Variants in PEX5 observed in about 807,000 individuals in gnomAD.
The protein encoded by PEX5 is PTS1 receptor.
In PEX5, 52 loss-of-function variants were observed where a neutral mutation model predicts 82.9. The ratio of observed to expected loss-of-function variants is 0.63; its 90% confidence interval spans 0.50 to 0.79. The LOEUF (loss-of-function observed/expected upper bound fraction) is 0.79, where lower values mean the gene tolerates loss of function less well. Among genes scored for constraint, PEX5 ranks in the 30% least tolerant of loss-of-function variants. PEX5 has a pLI of 0.00. For synonymous variants in PEX5, 300 were observed against 318.8 expected (o/e 0.94, Z 0.63); for missense variants, 719 against 815.2 (o/e 0.88, Z 1.44).
At chr12:7,217,944 A>C (rs761659858) in intron 17 of PEX5, among the ~76,000 whole-genome samples, 9 of 152,228 alleles carry the variant, frequency 5.9e-5, no homozygotes, top group Admixed American at 1.3e-4. Context: ...GGTGGTCAGC[A>C]AGAGACGTGC....
rs1016512378 is a variant in PEX5 at position 7,200,827 on chromosome 12, C to T, written c.552-924C>T. Among the ~76,000 whole-genome samples, 6 of 152,050 alleles carry T rather than the reference C, an allele frequency of 3.9e-5. No homozygotes were observed. In the South Asian group the frequency reaches 6.2e-4, roughly 16 times the overall value. On this transcript the variant is annotated intron_variant, in intron 6 of 15. Transcript: ENST00000675855. The stretch of plus-strand genomic sequence containing the variant: ...ATCAGGCAGGGAGGTTGCAGGGAGC[C>T]GAGATGGCAGCAGTACAGTCCAGCT...
Position 7,190,907 on chromosome 12 carries a change from T to A in PEX5, c.167T>A (p.Val56Glu). The stretch of plus-strand genomic sequence containing the variant: ...TCTTAGGCCTCCAAGCCTTTGGGAG[T>A]AGCTTCTGAAGATGAGGTAAATAGA... The part of the protein sequence containing the change: ...ASEAASKPLG[V>E]ASEDELVAEF... Residue 56 changes from valine to glutamate, a missense_variant, in exon 3 of 16, where the codon GTA becomes GAA. By Grantham distance (121) the Val-to-Glu change is moderately radical. Transcript: ENST00000675855. 1 of 1,613,418 alleles carries A rather than the reference T, an allele frequency of 6.2e-7. No homozygotes were observed. Among genetic ancestry groups the A allele is most frequent in the Non-Finnish European group, 8.5e-7 (1 of 1,179,368 alleles).
intron 1 of PEX5, 151 bp from the exon 2 acceptor site, chr12:7,190,211 G>GC: frequency 6.4e-7 from 1 of 1,571,524 alleles, no homozygotes; most frequent in Non-Finnish European, 8.6e-7. Flanking sequence ...CGAACTCCTG[G>GC]CAGAGGTGGG....
rs1392938013 is a variant in PEX5, at chr12:7,189,722, C to T, written c.-45C>T. ...TCCCCCAAGCCAGCACCTGGTGCCC[C>T]GGCGGGTCGTGCGGCGCGGCGCTCC... On this transcript the variant is annotated 5_prime_UTR_variant, in exon 1 of 16. Transcript: ENST00000675855. 5.2e-6 allele frequency: 2 copies of T among 387,610 alleles called. No individual in the cohort carries two copies. Among genetic ancestry groups the T allele is most frequent in the South Asian group, 1.2e-4 (1 of 8,122 alleles). 24.0% of individuals were successfully genotyped at this position (387,610 alleles called of 1,614,324 possible).
chr12:7,203,483 A>G lies in PEX5; in HGVS notation c.898A>G (p.Lys300Glu). The G allele has an allele frequency of 6.2e-7, 1 of 1,614,056 alleles. No individual in the cohort carries two copies. The highest frequency in any genetic ancestry group is 8.5e-7 in the Non-Finnish European group (1 of 1,179,996). The stretch of plus-strand genomic sequence containing the variant: ...GCAGGCAGAGTTGGAGGAGATGGCA[A>G]AACGGGATGCTGAGGCCCACCCCTG... ...KLQAELEEMA[K>E]RDAEAHPWLS... is the part of the protein sequence containing the mutation. The change falls in exon 10 of 16, where the codon AAA (lysine) becomes GAA (glutamate). Residue 300 changes from lysine to glutamate, a missense_variant. By Grantham distance (56) the Lys-to-Glu change is moderately conservative. Transcript: ENST00000675855.
intron 2 of PEX5, 117 bp downstream of exon 2, chr12:7,190,641 A>AGGTGGT (rs1375495827): frequency 1.3e-6 from 2 of 1,554,540 alleles, no homozygotes; most frequent in African/African-American, 2.7e-5. Flanking sequence ...TGGAAAGCCC[A>AGGTGGT]GGTGGTGGTG....
At position 7,199,026 on chromosome 12, in the gene PEX5, C is replaced by G. The variant is rs1943231620; in HGVS notation, c.464C>G (p.Ser155Cys). The change falls in exon 6 of 16, where the codon TCC (serine) becomes TGC (cysteine). Residue 155 changes from serine (S) to cysteine (C), a missense_variant. By Grantham distance (112) the Ser-to-Cys change is moderately radical. Coordinates refer to ENST00000675855, the MANE Select transcript of PEX5 (RefSeq NM_001351132.2). Reference sequence around the variant, plus strand: ...CTCCTTGCAGACCCCTTGTCTGTGTCCCCTGCCCGCTGGGCTGAGGAATAT... The same window carrying G: ...CTCCTTGCAGACCCCTTGTCTGTGTGCCCTGCCCGCTGGGCTGAGGAATAT... The part of the protein sequence containing the change: ...ISEVTDPLSV[S>C]PARWAEEYLE... The G allele has an allele frequency of 6.2e-7, 1 of 1,603,142 alleles. No individual in the cohort carries two copies. Among genetic ancestry groups the G allele is most frequent in the Non-Finnish European group, 8.5e-7 (1 of 1,173,060 alleles).
intron 17 of PEX5, among the ~76,000 whole-genome samples, chr12:7,217,848 T>C (rs909666856): frequency 6.6e-6 from 1 of 152,196 alleles, no homozygotes; most frequent in Admixed American, 6.5e-5. Context: ...CACCTGTACA[T>C]TCCTCCCCTC....
At position 7,210,242 on chromosome 12, in the gene PEX5, T is replaced by TGTGA. The variant is rs1565725351; in HGVS notation, c.*23_*26dup. The TGTGA allele has an allele frequency of 6.2e-7, 1 of 1,610,154 alleles. No individual in the cohort carries two copies. The highest frequency in any genetic ancestry group is 2.2e-5 in the East Asian group (1 of 44,866). On this transcript the variant is annotated 3_prime_UTR_variant, in exon 16 of 16. Transcript: ENST00000675855. ...CCAGTGACAGTGGGACGGGCTGCCC[T>TGTGA]GTGAGTGTCCACCTGGAGGGATCCC...
intron 14 of PEX5, among the ~76,000 whole-genome samples, 160 bp downstream of exon 14, chr12:7,209,330 G>A (rs1282985480): frequency 2.6e-5 from 4 of 152,072 alleles, no homozygotes; most frequent in Non-Finnish European, 5.9e-5. Context: ...ATCCAGCCTG[G>A]GCAACATAGC....
intron 6 of PEX5, among the ~76,000 whole-genome samples, chr12:7,201,280 T>C (rs12426336): frequency 1.0e-3 from 55 of 54,830 alleles, no homozygotes; most frequent in African/African-American, 1.9e-3. Context: ...TACACACACA[T>C]AGACATACAT....
At chr12:7,215,666 CACTT>C (rs1372068601), downstream of PEX5, among the ~76,000 whole-genome samples, 8 of 152,300 alleles carry the variant, frequency 5.3e-5, no homozygotes, top group South Asian at 8.3e-4. Flanking sequence ...CACAGATTCT[CACTT>C]ATAAGTGACA....
At chr12:7,193,817 CAT>C (rs1941616097) in intron 5 of PEX5, among the ~76,000 whole-genome samples, 1 of 152,152 alleles carries the variant, frequency 6.6e-6, no homozygotes, top group Non-Finnish European at 1.5e-5. Context: ...TTTAGAAAAA[CAT>C]GTTTTATCTG....
rs758252472 is a variant in PEX5, at chr12:7,209,036, C to T, written c.1426C>T (p.Leu476=). 1.9e-6 allele frequency: 3 copies of T among 1,614,108 alleles called. No homozygotes were observed. The highest frequency in any genetic ancestry group is 1.6e-4 in the Middle Eastern group (1 of 6,062). ...GTTTCTTGAAGTGAAAGAGCTCTTC[C>T]TGGCAGCTGTGCGGCTGGACCCTAC... is the stretch of plus-strand genomic sequence containing the variant. ...SLFLEVKELF[L]AAVRLDPTSI... Residue 476 remains leucine, a synonymous_variant, in exon 14 of 16, where the codon CTG becomes TTG. Transcript: ENST00000675855.
chr12:7,203,579 G>C, intron 10 of PEX5, 28 bp downstream of exon 10: 1 of 1,606,138 alleles, frequency 6.2e-7, no homozygotes, highest in Non-Finnish European at 8.5e-7. Flanking sequence ...AGTTTTTCAG[G>C]TTCCAGAACT....
At chr12:7,207,608 T>C (rs1301735941) in intron 10 of PEX5, 51 bp from the exon 11 acceptor site, 1 of 1,597,424 alleles carries the variant, frequency 6.3e-7, no homozygotes, top group East Asian at 2.2e-5. Context: ...ACATCCCTGC[T>C]GTTCTGACGG....
At position 7,207,821 on chromosome 12, in the gene PEX5, T is replaced by C. The variant is rs756514878; in HGVS notation, c.1110+19T>C. 1.2e-6 allele frequency: 2 copies of C among 1,613,622 alleles called. No individual in the cohort carries two copies. Among genetic ancestry groups the C allele is most frequent in the East Asian group, 2.2e-5 (1 of 44,870 alleles). ...CATGGAAGTGAGTGACTCCATAGTCTCATTTCTGGCTAGAGACTGCTTCCT... is the reference window on the plus strand; with the variant it reads ...CATGGAAGTGAGTGACTCCATAGTCCCATTTCTGGCTAGAGACTGCTTCCT... On this transcript the variant is annotated intron_variant, in intron 11 of 15. Coordinates refer to ENST00000675855, the MANE Select transcript of PEX5 (RefSeq NM_001351132.2).
chr12:7,213,574 T>G (rs1219155261), downstream of PEX5, among the ~76,000 whole-genome samples: 3 of 148,892 alleles, frequency 2.0e-5, no homozygotes, highest in Non-Finnish European at 4.5e-5. Flanking sequence ...CAAAAATCAA[T>G]TCAAGATGGA....
Position 7,207,660 on chromosome 12 carries a change from G to C in PEX5, c.968G>C (p.Gly323Ala). Residue 323 changes from glycine to alanine, a missense_variant and splice_region_variant, in exon 11 of 16, where the codon GGG (glycine) becomes GCG (alanine). Physicochemically the swap from Gly to Ala is moderately conservative, Grantham distance 60. Transcript: ENST00000675855. The part of the protein sequence containing the change: ...DDLTSATYDK[G>A]YQFEEENPLR... ...ATCTCTCACGTGCTTTTCTTGTAGG[G>C]GTACCAGTTTGAGGAGGAGAACCCC... 5 of 1,614,022 alleles carry C rather than the reference G, an allele frequency of 3.1e-6. No homozygotes were observed. The highest frequency in any genetic ancestry group is 4.2e-6 in the Non-Finnish European group (5 of 1,179,964).
Sources: gnomAD v4.1 joint callset for allele counts (sites outside exome capture counted in the v4.1 genomes callset) on GRCh38, gnomAD v4.1.1 for gene constraint, MANE v1.5 for transcripts, NCBI Gene and HGNC (gene_info 2026-07-23, HGNC 2026-07-21) for gene names.